ESF1: variants seen among roughly 807,000 people sequenced by gnomAD.
The protein encoded by ESF1 is ESF1 homolog.
In ESF1, 58 loss-of-function variants were observed where a neutral mutation model predicts 92.0. The ratio of observed to expected loss-of-function variants is 0.63; its 90% confidence interval spans 0.51 to 0.78. The LOEUF (loss-of-function observed/expected upper bound fraction) is 0.78. Ranked by LOEUF, ESF1 falls within the 30% of genes least tolerant of loss-of-function variation. ESF1 has a pLI of 0.00. For synonymous variants in ESF1, 321 were observed against 313.7 expected (o/e 1.02, Z -0.24); for missense variants, 922 against 989.1 (o/e 0.93, Z 0.91).
rs1341065981 is a variant in ESF1 at position 13,772,612 on chromosome 20, A to G, written c.1153T>C (p.Tyr385His). 1.2e-6 allele frequency: 2 copies of G among 1,600,398 alleles called. No homozygotes were observed. Among genetic ancestry groups the G allele is most frequent in the Admixed American group, 1.7e-5 (1 of 59,996 alleles). ...CTCTCCTTTCCAAATTCTGAAGGAT[A>G]TATCTAAACAGAAAAAAATAGGATC... ...KGGVIFSVKI[Y>H]PSEFGKERMK... Residue 385 changes from tyrosine to histidine, a missense_variant, in exon 5 of 14, where the codon TAT becomes CAT. By Grantham distance (83) the Tyr-to-His change is moderately conservative. Coordinates refer to ENST00000617257, the MANE Select transcript of ESF1 (RefSeq NM_001276380.2).
At chr20:13,750,365 T>A (rs551920936) in intron 9 of ESF1, among the ~76,000 whole-genome samples, 21 of 151,956 alleles carry the variant, frequency 1.4e-4, no homozygotes, top group Non-Finnish European at 2.2e-4. Context: ...ATTAGTTGGG[T>A]GTGGTGACGT....
At chr20:13,735,644 AT>A (rs1262974081) in intron 9 of ESF1, among the ~76,000 whole-genome samples, 1 of 152,164 alleles carries the variant, frequency 6.6e-6, no homozygotes, top group Non-Finnish European at 1.5e-5. Flanking sequence ...TCAGTCTAAA[AT>A]TTTAAATGTA....
chr20:13,740,578 T>C (rs559421054), intron 9 of ESF1, among the ~76,000 whole-genome samples: 14 of 152,238 alleles, frequency 9.2e-5, no homozygotes, highest in African/African-American at 3.4e-4. Context: ...ACAGAGAAGA[T>C]TGGGAAAATG....
intron 9 of ESF1, among the ~76,000 whole-genome samples, chr20:13,752,688 C>T (rs564865777): frequency 6.6e-6 from 1 of 152,184 alleles, no homozygotes; most frequent in African/African-American, 2.4e-5. Flanking sequence ...ATACAATGGC[C>T]ACATATGCAT....
At chr20:13,733,508 G>A (rs1301491047) in intron 10 of ESF1, among the ~76,000 whole-genome samples, 1 of 152,210 alleles carries the variant, frequency 6.6e-6, no homozygotes, top group Non-Finnish European at 1.5e-5. Context: ...CAGTTGAAGT[G>A]GCTCTGGACT....
At position 13,775,989 on chromosome 20, in the gene ESF1, CT is replaced by C. The variant is rs1979915633; in HGVS notation, c.918del (p.Gly307GlufsTer3). 1 of 1,613,766 alleles carries C rather than the reference CT, an allele frequency of 6.2e-7. No individual in the cohort carries two copies. ...TCTTCAGAACTAGTTTCTATATTTC[CT>C]TTACCCCTTGCAAGATCAGGGCCAC... ...SDSGPDLARG[K>X]GNIETSSEDE... On this transcript the variant is annotated frameshift_variant, in exon 3 of 14. Coordinates refer to ENST00000617257, the MANE Select transcript of ESF1 (RefSeq NM_001276380.2). LOFTEE classifies it high-confidence loss of function.
At chr20:13,775,309 T>A (rs749806632) in intron 3 of ESF1, 39 bp from the exon 4 acceptor site, 5 of 1,241,078 alleles carry the variant, frequency 4.0e-6, no homozygotes, top group East Asian at 2.3e-5. Context: ...ATAATCCATA[T>A]CATTCTCAAT....
chr20:13,724,566 T>C (rs925639281), intron 11 of ESF1, among the ~76,000 whole-genome samples: 1 of 152,230 alleles, frequency 6.6e-6, no homozygotes, highest in African/African-American at 2.4e-5. Context: ...TGGATACTGT[T>C]AAGCACAAAT....
At chr20:13,780,509 G>A (rs1980132607) in intron 2 of ESF1, among the ~76,000 whole-genome samples, 1 of 152,074 alleles carries the variant, frequency 6.6e-6, no homozygotes, top group Non-Finnish European at 1.5e-5. Flanking sequence ...ATGTAAAATG[G>A]GATACCACCA....
At position 13,715,140 on chromosome 20, in the gene ESF1, C is replaced by T. The variant is rs544683251; in HGVS notation, c.2290G>A (p.Ala764Thr). 1.9e-5 allele frequency: 30 copies of T among 1,584,884 alleles called. 1 individual carries two copies. In the South Asian group the frequency reaches 3.3e-4, roughly 17 times the overall value. ...TTGAACAAGTGGGAAGTGTACATTGCCTGAAACCGTGCATCGTTAACATTT... is the reference window on the plus strand; with the variant it reads ...TTGAACAAGTGGGAAGTGTACATTGTCTGAAACCGTGCATCGTTAACATTT... Reference protein sequence around the residue: ...EVNVNDARFQAMYTSHLFNLD... With the variant: ...EVNVNDARFQTMYTSHLFNLD... Residue 764 changes from alanine (A) to threonine (T), a missense_variant, in exon 14 of 14, where the codon GCA becomes ACA. By Grantham distance (58) the Ala-to-Thr change is moderately conservative. Coordinates refer to ENST00000617257, the MANE Select transcript of ESF1 (RefSeq NM_001276380.2).
At chr20:13,717,297 A>G in intron 13 of ESF1, 71 bp downstream of exon 13, 3 of 1,568,662 alleles carry the variant, frequency 1.9e-6, no homozygotes, top group Non-Finnish European at 1.7e-6. Context: ...ACTATGCTCA[A>G]TTTCTATCTG....
chr20:13,778,807 G>A (rs1270793532), intron 2 of ESF1, among the ~76,000 whole-genome samples: 1 of 152,136 alleles, frequency 6.6e-6, no homozygotes, highest in Non-Finnish European at 1.5e-5. Flanking sequence ...ATCATATTAG[G>A]AGGCCAAGAT....
chr20:13,757,562 C>A (rs904945800), intron 9 of ESF1, among the ~76,000 whole-genome samples: 2 of 152,126 alleles, frequency 1.3e-5, no homozygotes, highest in African/African-American at 4.8e-5. Context: ...CCATGCCCAG[C>A]TAATTTTTGT....
At position 13,769,909 on chromosome 20, in the gene ESF1, T is replaced by C. The variant is rs775142727; in HGVS notation, c.1516A>G (p.Thr506Ala). The C allele has an allele frequency of 4.4e-6, 7 of 1,593,972 alleles. No individual in the cohort carries two copies. The highest frequency in any genetic ancestry group is 4.5e-5 in the East Asian group (2 of 44,694). ...TATTTTTTAAAGTAAAGAAATACCG[T>C]TGATGTTCCCATTGCAGCAGAAGTG... ...YFTSAAMGTS[T>A]VEITWDETDH... Residue 506 changes from threonine (T) to alanine (A), a missense_variant and splice_region_variant, in exon 7 of 14, where the codon ACG becomes GCG. Physicochemically the swap from Thr to Ala is moderately conservative, Grantham distance 58. Coordinates refer to ENST00000617257, the MANE Select transcript of ESF1 (RefSeq NM_001276380.2).
At chr20:13,739,185 C>T (rs1261276309) in intron 9 of ESF1, among the ~76,000 whole-genome samples, 4 of 152,012 alleles carry the variant, frequency 2.6e-5, no homozygotes, top group Non-Finnish European at 4.4e-5. Flanking sequence ...TCAATGAACA[C>T]GTTTTTTTTT....
rs745557036 is a variant in ESF1 at position 13,776,157 on chromosome 20, T to A, written c.751A>T (p.Ser251Cys). 3 of 1,613,976 alleles carry A rather than the reference T, an allele frequency of 1.9e-6. No individual in the cohort carries two copies. The South Asian group carries it at 3.3e-5, about 18-fold the overall frequency. The change falls in exon 3 of 14, where the codon AGT becomes TGT. Residue 251 changes from serine (S) to cysteine (C), a missense_variant. Transcript: ENST00000617257. ...ATTTCATTTTCAGATTCCTCATCAC[T>A]TCCTATTTCACTAACGCTTTCTGAA... is the stretch of plus-strand genomic sequence containing the variant. ...EDSESVSEIG[S>C]DEESENEITS...
At chr20:13,722,658 T>C (rs2049875693) in intron 11 of ESF1, among the ~76,000 whole-genome samples, 2 of 151,562 alleles carry the variant, frequency 1.3e-5, no homozygotes, top group Non-Finnish European at 2.9e-5. Flanking sequence ...GAGACCAGCC[T>C]GAGCAACAAA....
At chr20:13,716,384 T>C in intron 13 of ESF1, among the ~76,000 whole-genome samples, 1 of 152,124 alleles carries the variant, frequency 6.6e-6, no homozygotes, top group Non-Finnish European at 1.5e-5. Context: ...ACACAGTGAG[T>C]GTGACCCACT....
chr20:13,744,491 C>G (rs1250501335), intron 9 of ESF1, among the ~76,000 whole-genome samples: 2 of 152,194 alleles, frequency 1.3e-5, no homozygotes, highest in Non-Finnish European at 2.9e-5. Context: ...TCCCATCTCA[C>G]ACAGGGTGAA....
Sources: gnomAD v4.1 joint callset for allele counts (sites outside exome capture counted in the v4.1 genomes callset) on GRCh38, gnomAD v4.1.1 for gene constraint, MANE v1.5 for transcripts, NCBI Gene and HGNC (gene_info 2026-07-23, HGNC 2026-07-21) for gene names.